PTPRD: variants seen among roughly 807,000 people sequenced by gnomAD.
The protein encoded by PTPRD is receptor-type tyrosine-protein phosphatase delta.
Under a neutral mutation model 214.5 loss-of-function variants are expected in PTPRD, and 34 were observed. The observed-to-expected ratio is 0.16, with a 90% CI of 0.12 to 0.21. PTPRD has a LOEUF of 0.21. PTPRD is among the 10% of genes least tolerant of loss of function. PTPRD has a pLI of 1.00. For synonymous variants in PTPRD, 1,128 were observed against 845.7 expected (o/e 1.33, Z -5.79); for missense variants, 2,545 against 2,398.7 (o/e 1.06, Z -1.27).
rs537392060 is a variant in PTPRD, at chr9:8,909,133, A to G, written c.-104+109564T>C. On this transcript the variant is annotated intron_variant, in intron 11 of 45. Coordinates refer to ENST00000381196, the MANE Select transcript of PTPRD (RefSeq NM_002839.4). ...AAAAAGAAAATAAATTCAGCTGGGA[A>G]TTAAAAATCTTCTCATAAAGATAAG... is the stretch of plus-strand genomic sequence containing the variant. 1.4e-4 allele frequency among the ~76,000 whole-genome samples: 22 copies of G among 152,146 alleles called. No individual in the cohort carries two copies. In the South Asian group the frequency reaches 3.1e-3, roughly 22 times the overall value.
intron 9 of PTPRD, among the ~76,000 whole-genome samples, chr9:9,378,623 T>A (rs10977687): frequency 0.23 from 35,253 of 152,070 alleles, 4,142 homozygotes; most frequent in Middle Eastern, 0.37. Context: ...CCATTTTATA[T>A]GTCTACTAGT....
At chr9:9,205,631 T>C (rs2099944375) in intron 9 of PTPRD, among the ~76,000 whole-genome samples, 1 of 152,238 alleles carries the variant, frequency 6.6e-6, no homozygotes, top group Non-Finnish European at 1.5e-5. Context: ...ATACATTTTA[T>C]ATCTTTTTTG....
intron 3 of PTPRD, among the ~76,000 whole-genome samples, chr9:10,210,819 A>ATATATATATATG (rs1554858769): frequency 1.4e-5 from 1 of 70,182 alleles, no homozygotes; most frequent in African/African-American, 8.0e-5. Flanking sequence ...ATATATATAT[A>ATATATATATATG]TATGTATGTA....
intron 9 of PTPRD, among the ~76,000 whole-genome samples, chr9:9,311,527 T>C (rs1424674120): frequency 2.6e-5 from 4 of 152,146 alleles, no homozygotes; most frequent in African/African-American, 9.6e-5. Flanking sequence ...ATTAACAGGA[T>C]TCTCCCCAAA....
At chr9:9,201,888 C>CA (rs1440953035) in intron 9 of PTPRD, among the ~76,000 whole-genome samples, 1 of 152,104 alleles carries the variant, frequency 6.6e-6, no homozygotes, top group Admixed American at 6.5e-5. Flanking sequence ...TGGAGCACAG[C>CA]AAAAAGCCCA....
At chr9:9,217,891 C>T (rs1319686241) in intron 9 of PTPRD, among the ~76,000 whole-genome samples, 1 of 152,090 alleles carries the variant, frequency 6.6e-6, no homozygotes, top group African/African-American at 2.4e-5. Context: ...GTCCCCTGCT[C>T]TCTTACATAA....
chr9:8,991,377 T>C (rs1052134731), intron 11 of PTPRD, among the ~76,000 whole-genome samples: 15 of 152,286 alleles, frequency 9.8e-5, no homozygotes, highest in Admixed American at 2.6e-4. Flanking sequence ...CTGTGACCCT[T>C]GTAATGGGTA....
chr9:9,428,477 A>C (rs560767610), intron 8 of PTPRD, among the ~76,000 whole-genome samples: 26 of 152,298 alleles, frequency 1.7e-4, no homozygotes, highest in African/African-American at 6.0e-4. Flanking sequence ...TCCTACTGTC[A>C]ACATTAGACA....
At chr9:9,316,934 CAA>C (rs1384062298) in intron 9 of PTPRD, among the ~76,000 whole-genome samples, 2 of 152,084 alleles carry the variant, frequency 1.3e-5, no homozygotes, top group Admixed American at 1.3e-4. Flanking sequence ...TCTAAAGTTA[CAA>C]AGTCACTTAT....
chr9:9,415,052 C>T (rs1366456194), intron 8 of PTPRD, among the ~76,000 whole-genome samples: 1 of 152,108 alleles, frequency 6.6e-6, no homozygotes, highest in Non-Finnish European at 1.5e-5. Context: ...TTGAACTGGA[C>T]CTAATTACGT....
At position 9,801,681 on chromosome 9, in the gene PTPRD, G is replaced by A. The variant is rs183317082; in HGVS notation, c.-367-34830C>T. ...TCAATAATTGTTTTGAGTTTATAGG[G>A]TAATAATTTCACTGTTGGAAATTAT... On this transcript the variant is annotated intron_variant, in intron 5 of 45. Transcript: ENST00000381196. 2.6e-5 allele frequency among the ~76,000 whole-genome samples: 4 copies of A among 152,084 alleles called. No homozygotes were observed. In the East Asian group the frequency reaches 5.8e-4, roughly 22 times the overall value.
chr9:8,621,654 C>G (rs1405312825), intron 14 of PTPRD, among the ~76,000 whole-genome samples: 128 of 151,892 alleles, frequency 8.4e-4, no homozygotes, highest in Non-Finnish European at 1.6e-3. Flanking sequence ...GCTATTGAGC[C>G]AGTGAGTGTT....
At chr9:10,505,866 A>T (rs563959717) in intron 2 of PTPRD, among the ~76,000 whole-genome samples, 3 of 89,268 alleles carry the variant, frequency 3.4e-5, no homozygotes, top group African/African-American at 1.2e-4. Flanking sequence ...CTTAAATTTT[A>T]AGCAATATTT....
chr9:9,633,167 C>T (rs145663110), intron 7 of PTPRD, among the ~76,000 whole-genome samples: 38 of 151,858 alleles, frequency 2.5e-4, no homozygotes, highest in African/African-American at 8.9e-4. Context: ...TGAGGGTGGG[C>T]GCCTGTAATT....
At chr9:9,079,212 C>T (rs1437304364) in intron 10 of PTPRD, among the ~76,000 whole-genome samples, 1 of 152,004 alleles carries the variant, frequency 6.6e-6, no homozygotes, top group Non-Finnish European at 1.5e-5. Context: ...TCCTTTCCCC[C>T]ACCCTTCCCA....
chr9:8,516,868 A>G (rs1047765617), intron 21 of PTPRD, among the ~76,000 whole-genome samples: 3 of 146,418 alleles, frequency 2.0e-5, no homozygotes, highest in African/African-American at 7.7e-5. Flanking sequence ...TAGTGGTACA[A>G]TCTTAGCTCA....
rs2068096792 is a variant in PTPRD at position 10,573,344 on chromosome 9, G to C, written c.-600+39054C>G. On this transcript the variant is annotated intron_variant, in intron 2 of 45. Coordinates refer to ENST00000381196, the MANE Select transcript of PTPRD (RefSeq NM_002839.4). ...CATGAATACAAGTTCCCAAATGCAA[G>C]TAACCCCAACTCAAAATCCTGAAGG... 2.6e-5 allele frequency among the ~76,000 whole-genome samples: 4 copies of C among 152,112 alleles called. No homozygotes were observed. The South Asian group carries it at 8.3e-4, about 32-fold the overall frequency.
Position 9,312,150 on chromosome 9 carries a change from C to A in PTPRD, c.-203+85299G>T, listed in dbSNP as rs1959182303. Among the ~76,000 whole-genome samples, 2 of 152,128 alleles carry A rather than the reference C, an allele frequency of 1.3e-5. 1 individual carries two copies. The highest frequency in any genetic ancestry group is 4.1e-4 in the South Asian group (2 of 4,826). ...TTGATTTCAGCAAATCAAAATATTTCATTTGATCCTAAAAATAGCTAACTG... is the reference window on the plus strand; with the variant it reads ...TTGATTTCAGCAAATCAAAATATTTAATTTGATCCTAAAAATAGCTAACTG... On this transcript the variant is annotated intron_variant, in intron 9 of 45. Coordinates refer to ENST00000381196, the MANE Select transcript of PTPRD (RefSeq NM_002839.4).
intron 4 of PTPRD, among the ~76,000 whole-genome samples, chr9:10,010,757 G>C (rs1588844115): frequency 6.6e-6 from 1 of 151,918 alleles, no homozygotes; most frequent in Admixed American, 6.6e-5. Flanking sequence ...AGATCATTAT[G>C]GTAATGAGGA....
Sources: allele counts gnomAD v4.1 joint callset (sites outside exome capture counted in the v4.1 genomes callset), GRCh38; gene constraint gnomAD v4.1.1; transcripts MANE v1.5; gene names NCBI Gene and HGNC (gene_info 2026-07-23, HGNC 2026-07-21).